HIVEP1: variants seen among roughly 807,000 people sequenced by gnomAD.
The protein encoded by HIVEP1 is zinc finger protein 40.
HIVEP1 carries 36 observed loss-of-function variants against 180.0 expected under a neutral mutation model. The ratio of observed to expected loss-of-function variants is 0.20; its 90% CI spans 0.15 to 0.26. The LOEUF (loss-of-function observed/expected upper bound fraction) is 0.26, where lower values mean the gene tolerates loss of function less well. Among genes scored for constraint, HIVEP1 ranks in the 10% least tolerant of loss-of-function variants. The pLI, the probability that HIVEP1 is intolerant of heterozygous loss-of-function variation, is 1.00. For missense variants in HIVEP1, 3,143 were observed against 3,268.7 expected (o/e 0.96, Z 0.94); for synonymous variants, 1,239 against 1,239.0 (o/e 1.00, Z 0.00).
the HIVEP1 span, among the ~76,000 whole-genome samples, chr6:12,188,023 T>C: frequency 6.6e-6 from 1 of 152,074 alleles, no homozygotes; most frequent in South Asian, 2.1e-4. Flanking sequence ...CTTTAAAGAG[T>C]TGAGTTATCA....
rs571300949 is a variant in HIVEP1, at chr6:12,159,191, C to CGT, written c.6488-2232_6488-2231dup. On this transcript the variant is annotated intron_variant, in intron 7 of 8. Transcript: ENST00000379388. ...TTAATAAGTTTAAAGTTAGGCTGTACGTGTGTGTGTGTGTGTGCGCGCGCG... is the reference window on the plus strand; with the variant it reads ...TTAATAAGTTTAAAGTTAGGCTGTACGTGTGTGTGTGTGTGTGTGCGCGCGCG... Among the ~76,000 whole-genome samples, 417 of 151,084 alleles carry CGT rather than the reference C, an allele frequency of 2.8e-3. 7 individuals are homozygous for CGT. In the Middle Eastern group the frequency reaches 0.028, roughly 10 times the overall value.
intron 7 of HIVEP1, among the ~76,000 whole-genome samples, chr6:12,159,890 A>G (rs1190894464): frequency 6.6e-6 from 1 of 152,226 alleles, no homozygotes; most frequent in African/African-American, 2.4e-5. Context: ...TTCATCCCCT[A>G]GAAATAATCA....
intron 3 of HIVEP1, among the ~76,000 whole-genome samples, chr6:12,109,111 C>T (rs1774706887): frequency 6.6e-6 from 1 of 152,196 alleles, no homozygotes; most frequent in Non-Finnish European, 1.5e-5. Flanking sequence ...TCCCGAGTAC[C>T]TGGGACTACA....
the HIVEP1 span, among the ~76,000 whole-genome samples, chr6:12,184,723 C>A: frequency 1.3e-5 from 2 of 152,142 alleles, no homozygotes; most frequent in African/African-American, 4.8e-5. Flanking sequence ...AAAATCACTT[C>A]ATATCATACA....
intron 2 of HIVEP1, among the ~76,000 whole-genome samples, chr6:12,017,430 T>C (rs1767868961): frequency 6.6e-6 from 1 of 152,258 alleles, no homozygotes; most frequent in African/African-American, 2.4e-5. Flanking sequence ...GTGAGTTTTA[T>C]AGCTCATAAA....
intron 6 of HIVEP1, among the ~76,000 whole-genome samples, chr6:12,132,172 G>A (rs1331513156): frequency 6.6e-6 from 1 of 152,182 alleles, no homozygotes; most frequent in African/African-American, 2.4e-5. Context: ...ATTGGAGGGT[G>A]AGTTTAAGGA....
chr6:12,041,958 C>T (rs1447336625), intron 2 of HIVEP1, among the ~76,000 whole-genome samples: 1 of 151,374 alleles, frequency 6.6e-6, no homozygotes, highest in South Asian at 2.1e-4. Context: ...CGTGCCTGGC[C>T]AGTTTTGTTT....
At chr6:12,013,089 C>T (rs571644450) in intron 1 of HIVEP1, among the ~76,000 whole-genome samples, 1 of 151,904 alleles carries the variant, frequency 6.6e-6, no homozygotes, top group Non-Finnish European at 1.5e-5. Flanking sequence ...GGGGAGGGGG[C>T]GGCGGCGGAG....
chr6:12,008,452 C>T (rs1032144764), upstream of HIVEP1: 19 of 152,312 alleles, frequency 1.2e-4, no homozygotes, highest in African/African-American at 4.6e-4. Context: ...CAGGAAAGAC[C>T]ATACGGTGCA....
the HIVEP1 span, among the ~76,000 whole-genome samples, chr6:12,204,370 G>GTCTTCCTCTTTTACCTCCCCTTCCCCA: frequency 2.0e-5 from 3 of 152,170 alleles, no homozygotes; most frequent in East Asian, 1.9e-4. Flanking sequence ...TCCCTTCCCC[G>GTCTTCCTCTTTTACCTCCCCTTCCCCA]TCTATCCTCC....
At chr6:12,131,345 A>C (rs1486291950) in intron 6 of HIVEP1, among the ~76,000 whole-genome samples, 1 of 152,034 alleles carries the variant, frequency 6.6e-6, no homozygotes, top group Non-Finnish European at 1.5e-5. Context: ...ATTTAAAATA[A>C]TAACTACAGT....
In HIVEP1 at chr6:12,163,922, C is replaced by G. The variant is rs1313299137; in HGVS notation, c.7618C>G (p.His2540Asp). The stretch of plus-strand genomic sequence containing the variant: ...ACAAAGCAGCCCCGCCCCTCAGGCA[C>G]ACATTCCAGGTCTCCAGATCTTGAA... ...SSQSSPAPQA[H>D]IPGLQILNIA... is the part of the protein sequence containing the mutation. The change falls in exon 9 of 9, where the codon CAC becomes GAC. Residue 2540 changes from histidine (H) to aspartate (D), a missense_variant. Physicochemically the swap from His to Asp is moderately conservative, Grantham distance 81 (BLOSUM62 -1). Coordinates refer to ENST00000379388, the MANE Select transcript of HIVEP1 (RefSeq NM_002114.4). 23 of 1,614,144 alleles carry G rather than the reference C, an allele frequency of 1.4e-5. No homozygotes were observed. The highest frequency in any genetic ancestry group is 1.8e-5 in the Non-Finnish European group (21 of 1,180,028).
chr6:12,068,127 G>A (rs574901078), intron 2 of HIVEP1, among the ~76,000 whole-genome samples: 1 of 152,194 alleles, frequency 6.6e-6, no homozygotes, highest in Admixed American at 6.5e-5. Flanking sequence ...TTTCGCCCTC[G>A]TTGCCCAGGC....
chr6:12,011,534 A>G (rs1767302623), upstream of HIVEP1, among the ~76,000 whole-genome samples: 1 of 138,684 alleles, frequency 7.2e-6, no homozygotes, highest in South Asian at 2.5e-4. Context: ...AGGCGTCGCG[A>G]CCCAGGGCTC....
chr6:12,135,686 C>T, intron 6 of HIVEP1, 105 bp from the exon 7 acceptor site: 1 of 712,692 alleles, frequency 1.4e-6, no homozygotes, highest in Non-Finnish European at 2.5e-6. Context: ...GTTGTACGAC[C>T]ACAATCTGTA....
At chr6:12,018,043 T>C (rs943351642) in intron 2 of HIVEP1, among the ~76,000 whole-genome samples, 11 of 152,234 alleles carry the variant, frequency 7.2e-5, no homozygotes, top group African/African-American at 2.7e-4. Flanking sequence ...CATGGCGGGC[T>C]GCAGGTCCTG....
At chr6:12,041,899 T>C (rs942865767) in intron 2 of HIVEP1, among the ~76,000 whole-genome samples, 3 of 151,906 alleles carry the variant, frequency 2.0e-5, no homozygotes, top group Admixed American at 2.0e-4. Flanking sequence ...GACCTTGTGA[T>C]CCGCCCGCCT....
At chr6:12,130,362 CAG>C (rs1195674421) in intron 5 of HIVEP1, among the ~76,000 whole-genome samples, 1 of 152,098 alleles carries the variant, frequency 6.6e-6, no homozygotes, top group African/African-American at 2.4e-5. Context: ...GACTTGGAAA[CAG>C]GGAAGTATTT....
intron 2 of HIVEP1, among the ~76,000 whole-genome samples, chr6:12,080,489 G>T (rs1340899072): frequency 1.3e-5 from 2 of 152,124 alleles, no homozygotes; most frequent in East Asian, 1.9e-4. Context: ...TATGTTAAGA[G>T]ACAAAATAAT....
Sources: gnomAD v4.1 joint callset for allele counts (sites outside exome capture counted in the v4.1 genomes callset) on GRCh38, gnomAD v4.1.1 for gene constraint, MANE v1.5 for transcripts, NCBI Gene and HGNC (gene_info 2026-07-23, HGNC 2026-07-21) for gene names.